The following SMG1 variants were observed in gnomAD, a reference collection of about 807,000 sequenced individuals.
SMG1 encodes the protein serine/threonine-protein kinase SMG1.
A neutral mutation model predicts 419.9 loss-of-function variants in SMG1; 22 were observed. That is an observed-to-expected ratio of 0.05 (90% confidence interval 0.04 to 0.07). The LOEUF is 0.07. Ranked by LOEUF, SMG1 falls within the 10% of genes least tolerant of loss-of-function variation. SMG1 has a pLI of 1.00. For missense variants in SMG1, 3,185 were observed against 4,342.0 expected, an observed-to-expected ratio of 0.73 and a Z score of 7.49; for synonymous variants, 1,538 against 1,553.5, an observed-to-expected ratio of 0.99 and a Z score of 0.23.
intron 1 of SMG1, among the ~76,000 whole-genome samples, chr16:18,909,295 C>T (rs1431487108): frequency 6.6e-6 from 1 of 151,892 alleles, no homozygotes; most frequent in Non-Finnish European, 1.5e-5. Context: ...TGAGCTGAGA[C>T]GGCGTCATTG....
chr16:18,900,298 G>T (rs1275161688), intron 1 of SMG1, among the ~76,000 whole-genome samples: 2 of 152,088 alleles, frequency 1.3e-5, no homozygotes, highest in Non-Finnish European at 2.9e-5. Context: ...CAAATCACAT[G>T]CAAATATAGT....
chr16:18,876,197 T>C lies in SMG1; in HGVS notation c.1817A>G (p.Asn606Ser), dbSNP rs370668496. The change falls in exon 13 of 63, where the codon AAT (asparagine) becomes AGT (serine). Residue 606 changes from asparagine to serine, a missense_variant. Physicochemically the swap from Asn to Ser is conservative, Grantham distance 46. This residue lies in a region of SMG1 where 297 missense variants were observed against 491.0 expected (regional missense o/e 0.60). Transcript: ENST00000446231. ...AFKNHVFNVD[N>S]AKFVVIFDLS... ...GTCAAATATAACTACAAATTTTGCA[T>C]TGTCTACATTGAACACATGATTCTT... 3.4e-5 allele frequency: 54 copies of C among 1,611,696 alleles called. No individual in the cohort carries two copies. Among genetic ancestry groups the C allele is most frequent in the Admixed American group, 5.0e-5 (3 of 60,004 alleles).
At chr16:18,849,057 G>A (rs2034432977) in intron 36 of SMG1, among the ~76,000 whole-genome samples, 160 bp downstream of exon 36, 1 of 110,678 alleles carries the variant, frequency 9.0e-6, no homozygotes. Context: ...GTGACAGAGT[G>A]AGACTCCATC....
chr16:18,864,957 T>A (rs2035422132), intron 23 of SMG1, among the ~76,000 whole-genome samples: 1 of 152,130 alleles, frequency 6.6e-6, no homozygotes, highest in Non-Finnish European at 1.5e-5. Context: ...TGTAAGACAG[T>A]ATAAAAGAAC....
chr16:18,918,749 A>G (rs1232376200), intron 1 of SMG1, among the ~76,000 whole-genome samples: 1 of 152,148 alleles, frequency 6.6e-6, no homozygotes, highest in Non-Finnish European at 1.5e-5. Flanking sequence ...GGGTTTCACC[A>G]TGTTGGCCTG....
chr16:18,882,394 A>G (rs1289255888), intron 9 of SMG1, 56 bp from the exon 10 acceptor site: 1 of 1,003,824 alleles, frequency 1.0e-6, no homozygotes, highest in Non-Finnish European at 1.4e-6. Context: ...AAATAAAAAA[A>G]AAAAAAACTC....
chr16:18,852,036 A>T, intron 33 of SMG1, 31 bp downstream of exon 33: 1 of 1,567,156 alleles, frequency 6.4e-7, no homozygotes, highest in East Asian at 2.3e-5. Context: ...TTGGAGTAGC[A>T]ATCTTGCCCC....
chr16:18,918,310 T>C (rs2038056679), intron 1 of SMG1, among the ~76,000 whole-genome samples: 1 of 152,184 alleles, frequency 6.6e-6, no homozygotes, highest in Admixed American at 6.5e-5. Context: ...ACTTGAACTA[T>C]GATTCAAGGC....
chr16:18,818,960 G>A (rs962398240), intron 56 of SMG1, among the ~76,000 whole-genome samples: 1 of 151,996 alleles, frequency 6.6e-6, no homozygotes, highest in Non-Finnish European at 1.5e-5. Flanking sequence ...GGGACTACAG[G>A]TACCCACCAC....
chr16:18,904,429 T>C (rs1266690950), intron 1 of SMG1, among the ~76,000 whole-genome samples: 2 of 150,200 alleles, frequency 1.3e-5, no homozygotes, highest in Non-Finnish European at 3.0e-5. Flanking sequence ...GGTCAGGAGA[T>C]TGAGACCACC....
chr16:18,840,360 A>G (rs1009051901), intron 41 of SMG1, among the ~76,000 whole-genome samples: 3 of 152,258 alleles, frequency 2.0e-5, no homozygotes, highest in African/African-American at 7.2e-5. Context: ...TTACATGAGA[A>G]TTTAGATAGC....
chr16:18,913,602 TTAATATA>T (rs993673358), intron 1 of SMG1, among the ~76,000 whole-genome samples: 5 of 152,108 alleles, frequency 3.3e-5, no homozygotes, highest in African/African-American at 1.2e-4. Flanking sequence ...TTCTAGGCTA[TTAATATA>T]TTAGATGCCA....
chr16:18,862,359 A>G (rs1461438165), intron 25 of SMG1, among the ~76,000 whole-genome samples: 1 of 152,152 alleles, frequency 6.6e-6, no homozygotes, highest in Admixed American at 6.5e-5. Context: ...ACTATTCTTC[A>G]GAGGCTTCTC....
At chr16:18,913,463 G>A (rs2037861400) in intron 1 of SMG1, among the ~76,000 whole-genome samples, 2 of 151,342 alleles carry the variant, frequency 1.3e-5, no homozygotes, top group Admixed American at 6.6e-5. Context: ...ATTTAAATGA[G>A]AGAAAACTTT....
chr16:18,831,405 C>T (rs933108665), intron 51 of SMG1, among the ~76,000 whole-genome samples: 3 of 152,062 alleles, frequency 2.0e-5, no homozygotes, highest in African/African-American at 7.2e-5. Context: ...ACCCAAAGTA[C>T]ACATTTAGGT....
chr16:18,857,979 G>C, intron 29 of SMG1, 191 bp downstream of exon 29: 1 of 380,066 alleles, frequency 2.6e-6, no homozygotes. Context: ...CAAATGAGGA[G>C]ATGATCCCAA....
At chr16:18,830,402 C>T (rs748305214) in intron 51 of SMG1, 33 bp from the exon 52 acceptor site, 11 of 1,611,032 alleles carry the variant, frequency 6.8e-6, no homozygotes, top group Non-Finnish European at 8.5e-6. Flanking sequence ...AAAACCTTCG[C>T]TGAAAAGTAA....
intron 1 of SMG1, among the ~76,000 whole-genome samples, chr16:18,920,345 G>A (rs1477064463): frequency 6.8e-6 from 1 of 146,460 alleles, no homozygotes; most frequent in Non-Finnish European, 1.5e-5. Flanking sequence ...TTGCACCATT[G>A]CACTCCAGCC....
At chr16:18,843,983 T>A (rs530766990) in intron 39 of SMG1, among the ~76,000 whole-genome samples, 1 of 150,676 alleles carries the variant, frequency 6.6e-6, no homozygotes, top group South Asian at 2.1e-4. Context: ...ATGTACAAAA[T>A]CATTTTAAAA....
Sources: gnomAD v4.1 joint callset for allele counts (sites outside exome capture counted in the v4.1 genomes callset) on GRCh38, gnomAD v4.1.1 for gene constraint, gnomAD v4.1.1 regional missense constraint, MANE v1.5 for transcripts, NCBI Gene and HGNC (gene_info 2026-07-23, HGNC 2026-07-21) for gene names.